PPFIBP2: variants seen among roughly 807,000 people sequenced by gnomAD.
The protein encoded by PPFIBP2 is liprin-beta-2.
Under a neutral mutation model 118.3 loss-of-function variants are expected in PPFIBP2, and 118 were observed. That is an observed-to-expected ratio of 1.00 (90% CI 0.86 to 1.16). The LOEUF (loss-of-function observed/expected upper bound fraction) is 1.16, where lower values mean the gene tolerates loss of function less well. Among genes scored for constraint, PPFIBP2 ranks in the 50% most tolerant of loss-of-function variants. The pLI is 0.00. For synonymous variants in PPFIBP2, 414 were observed against 397.4 expected (o/e 1.04, Z -0.50); for missense variants, 1,195 against 1,073.1 (o/e 1.11, Z -1.59).
At chr11:7,614,177 A>C (rs1848377831) in intron 6 of PPFIBP2, among the ~76,000 whole-genome samples, 1 of 152,208 alleles carries the variant, frequency 6.6e-6, no homozygotes, top group Non-Finnish European at 1.5e-5. Context: ...TGTAGGAAAT[A>C]TACTCCCACA....
intron 5 of PPFIBP2, among the ~76,000 whole-genome samples, chr11:7,601,382 A>G (rs981573237): frequency 1.3e-5 from 2 of 152,180 alleles, no homozygotes; most frequent in African/African-American, 4.8e-5. Context: ...CACCTAGATT[A>G]TGAACACTTT....
chr11:7,650,322 AT>A (rs1192370596), intron 21 of PPFIBP2, among the ~76,000 whole-genome samples: 1 of 151,966 alleles, frequency 6.6e-6, no homozygotes, highest in Non-Finnish European at 1.5e-5. Flanking sequence ...TCTATCTCCT[AT>A]TTTCTCCTTA....
chr11:7,664,785 A>G, the PPFIBP2 span, among the ~76,000 whole-genome samples: 1 of 151,516 alleles, frequency 6.6e-6, no homozygotes, highest in Non-Finnish European at 1.5e-5. Flanking sequence ...GAACAGGGGG[A>G]TGGGTGAGGT....
At chr11:7,525,112 A>G (rs1850108192) in intron 1 of PPFIBP2, among the ~76,000 whole-genome samples, 1 of 152,094 alleles carries the variant, frequency 6.6e-6, no homozygotes, top group African/African-American at 2.4e-5. Context: ...CCCTCATTCT[A>G]TCATGGCAGG....
intron 10 of PPFIBP2, among the ~76,000 whole-genome samples, chr11:7,629,747 C>T (rs1260470764): frequency 2.0e-5 from 3 of 152,200 alleles, no homozygotes; most frequent in Non-Finnish European, 4.4e-5. Flanking sequence ...TTAGGGCCTT[C>T]AGGGACTATC....
chr11:7,665,938 A>T, the PPFIBP2 span: 6 of 1,535,302 alleles, frequency 3.9e-6, no homozygotes, highest in Non-Finnish European at 5.2e-6. Context: ...CCGACCAGGG[A>T]CCTGTATGAC....
chr11:7,635,642 T>A, intron 14 of PPFIBP2, 49 bp downstream of exon 14: 4 of 1,543,808 alleles, frequency 2.6e-6, no homozygotes, highest in Non-Finnish European at 3.6e-6. Context: ...CACTGTTTGC[T>A]AGTATTTTAA....
chr11:7,630,922 C>T lies in PPFIBP2; in HGVS notation c.965-3C>T. The T allele has an allele frequency of 6.2e-7, 1 of 1,611,542 alleles. No homozygotes were observed. The highest frequency in any genetic ancestry group is 8.5e-7 in the Non-Finnish European group (1 of 1,177,692). On this transcript the variant is annotated splice_polypyrimidine_tract_variant and splice_region_variant and intron_variant, in intron 10 of 23. Transcript: ENST00000299492. ...TTCAGTCTTACTACCTTAATGCTTGCAGGGCCTTCGGAGAGAACTCTCTCA... is the reference window on the plus strand; with the variant it reads ...TTCAGTCTTACTACCTTAATGCTTGTAGGGCCTTCGGAGAGAACTCTCTCA...
At chr11:7,663,630 A>G in the PPFIBP2 span, among the ~76,000 whole-genome samples, 5 of 152,360 alleles carry the variant, frequency 3.3e-5, no homozygotes, top group African/African-American at 1.2e-4. Flanking sequence ...CCAGAGGTGG[A>G]GCCTACAGAG....
chr11:7,593,162 A>G lies in PPFIBP2; in HGVS notation c.310A>G (p.Asn104Asp), dbSNP rs1418560906. The change falls in exon 4 of 24, where the codon AAT (asparagine) becomes GAT (aspartate). Residue 104 changes from asparagine to aspartate, a missense_variant. Coordinates refer to ENST00000299492, the MANE Select transcript of PPFIBP2 (RefSeq NM_003621.5). ...GGTAAACCACCACAGTGCTGCTAGT[A>G]ATGAAACCTACCAGGAACGCTTGGC... ...SQVNHHSAASNETYQERLARL... is the reference protein window; with the variant it reads ...SQVNHHSAASDETYQERLARL... 1.3e-5 allele frequency: 21 copies of G among 1,613,882 alleles called. No individual in the cohort carries two copies. Among genetic ancestry groups the G allele is most frequent in the African/African-American group, 2.7e-5 (2 of 74,876 alleles).
intron 4 of PPFIBP2, among the ~76,000 whole-genome samples, chr11:7,595,824 T>C (rs546474495): frequency 6.6e-6 from 1 of 151,654 alleles, no homozygotes; most frequent in East Asian, 1.9e-4. Context: ...TAGGATTAGT[T>C]AAAAACAAAA....
rs1852260622 is a variant in PPFIBP2 at position 7,641,999 on chromosome 11, TG to T, written c.1518-297del. 6 of 409,024 alleles carry T rather than the reference TG, an allele frequency of 1.5e-5. No homozygotes were observed. The South Asian group carries it at 2.5e-4, about 17-fold the overall frequency. The allele number at this position is 409,024 out of a possible 1,614,324, so 25.3% of individuals were successfully genotyped here. On this transcript the variant is annotated intron_variant, in intron 16 of 23. Coordinates refer to ENST00000299492, the MANE Select transcript of PPFIBP2 (RefSeq NM_003621.5). ...AAACCTTTGAAAGCCAAGTACTTGCTGGCCCAACTGATCCACTTTGTGACAT... is the reference window on the plus strand; with the variant it reads ...AAACCTTTGAAAGCCAAGTACTTGCTGCCCAACTGATCCACTTTGTGACAT...
At chr11:7,655,537 C>A, downstream of PPFIBP2, 1 of 1,274,036 alleles carries the variant, frequency 7.8e-7, no homozygotes, top group Non-Finnish European at 1.0e-6. Flanking sequence ...AGACTGGTGC[C>A]AGGGAGGCCC....
chr11:7,651,711 C>G lies in PPFIBP2; in HGVS notation c.2303C>G (p.Pro768Arg), dbSNP rs148592768. The G allele has an allele frequency of 6.2e-6, 10 of 1,613,754 alleles. No individual in the cohort carries two copies. Among genetic ancestry groups the G allele is most frequent in the African/African-American group, 5.3e-5 (4 of 74,932 alleles). ...DTLAMLLNIP[P>R]QKTLLRRHLT... ...CTGGCTATGCTTCTCAACATCCCCCCACAAAAGACGCTCCTCAGGCGCCAC... is the reference window on the plus strand; with the variant it reads ...CTGGCTATGCTTCTCAACATCCCCCGACAAAAGACGCTCCTCAGGCGCCAC... Residue 768 changes from proline to arginine, a missense_variant, in exon 23 of 24, where the codon CCA (proline) becomes CGA (arginine). Pro to Arg is a moderately radical substitution (Grantham distance 103). Transcript: ENST00000299492.
intron 3 of PPFIBP2, among the ~76,000 whole-genome samples, chr11:7,591,318 C>T (rs1269565737): frequency 2.6e-5 from 4 of 151,780 alleles, no homozygotes; most frequent in Non-Finnish European, 1.5e-5. Flanking sequence ...TAGGTGGCTC[C>T]GTGTCCATGT....
rs373816193 is a variant in PPFIBP2 at position 7,516,280 on chromosome 11, T to C, written c.-37+2159T>C. ...GGAGGCTGATCCAGGGTCAAAGGGATGAGGCCTTATTTTGGGCCTGAGAGA... is the reference window on the plus strand; with the variant it reads ...GGAGGCTGATCCAGGGTCAAAGGGACGAGGCCTTATTTTGGGCCTGAGAGA... On this transcript the variant is annotated intron_variant, in intron 1 of 23. Coordinates refer to ENST00000299492, the MANE Select transcript of PPFIBP2 (RefSeq NM_003621.5). Among the ~76,000 whole-genome samples, 175 of 152,182 alleles carry C rather than the reference T, an allele frequency of 1.1e-3. 1 individual carries two copies. Among genetic ancestry groups the C allele is most frequent in the African/African-American group, 3.9e-3 (162 of 41,522 alleles).
downstream of PPFIBP2, among the ~76,000 whole-genome samples, chr11:7,657,725 T>C (rs567920450): frequency 6.6e-6 from 1 of 152,212 alleles, no homozygotes; most frequent in African/African-American, 2.4e-5. Flanking sequence ...AAATCCTGTC[T>C]CTCAAGGCAC....
At chr11:7,562,926 G>A (rs965112774) in intron 2 of PPFIBP2, among the ~76,000 whole-genome samples, 53 of 96,272 alleles carry the variant, frequency 5.5e-4, no homozygotes, top group African/African-American at 1.9e-3. Context: ...AGAAATTAAA[G>A]TTTTATATAT....
intron 5 of PPFIBP2, among the ~76,000 whole-genome samples, chr11:7,603,598 T>C (rs1190872093): frequency 6.6e-6 from 1 of 152,198 alleles, no homozygotes; most frequent in African/African-American, 2.4e-5. Flanking sequence ...CACTTAAAGA[T>C]GGAGGTAATT....
Sources: allele counts gnomAD v4.1 joint callset (sites outside exome capture counted in the v4.1 genomes callset), GRCh38; gene constraint gnomAD v4.1.1; transcripts MANE v1.5; gene names NCBI Gene and HGNC (gene_info 2026-07-23, HGNC 2026-07-21).